Variants in UPRT observed in about 807,000 individuals in gnomAD.
UPRT encodes the protein uracil phosphoribosyltransferase homolog.
Under a neutral mutation model 22.6 loss-of-function variants are expected in UPRT, and 5 were observed. That is an observed-to-expected ratio of 0.22 (90% CI 0.12 to 0.47). The LOEUF (loss-of-function observed/expected upper bound fraction) is 0.47. Ranked by LOEUF, UPRT falls within the 20% of genes least tolerant of loss-of-function variation. UPRT has a pLI of 0.99. For synonymous variants in UPRT, 77 were observed against 87.7 expected (o/e 0.88, Z 0.68); for missense variants, 181 against 239.9 (o/e 0.75, Z 1.62).
chrX:75,234,570 A>G (rs1386708085), intron 4 of UPRT, among the ~76,000 whole-genome samples: 15 of 111,897 alleles, frequency 1.3e-4, no homozygotes, highest in African/African-American at 4.5e-4. Flanking sequence ...AAAGAACAGA[A>G]ATTATAACAA....
intron 1 of UPRT, among the ~76,000 whole-genome samples, chrX:75,286,441 T>G (rs2082681164): frequency 1.8e-5 from 2 of 111,291 alleles, no homozygotes; most frequent in African/African-American, 6.5e-5. Flanking sequence ...AGTGATATAT[T>G]TAAATTTTTG....
At chrX:75,183,978 G>C (rs2082280214) in intron 4 of UPRT, among the ~76,000 whole-genome samples, 1 of 112,093 alleles carries the variant, frequency 8.9e-6, no homozygotes, top group Admixed American at 9.4e-5. Context: ...TAGGTTGCCT[G>C]TTCACTCTGA....
At chrX:75,219,622 TG>T in intron 4 of UPRT, among the ~76,000 whole-genome samples, 1 of 111,419 alleles carries the variant, frequency 9.0e-6, no homozygotes, top group East Asian at 2.8e-4. Flanking sequence ...AACATTTTAA[TG>T]AACAGGAAAG....
chrX:75,272,347 CATATATATATGTGTATAT>C (rs1480616361), upstream of UPRT, among the ~76,000 whole-genome samples: 1 of 81,382 alleles, frequency 1.2e-5, no homozygotes, highest in African/African-American at 5.6e-5. Flanking sequence ...TATATATACA[CATATATATATGTGTATAT>C]ATATATATGT....
At chrX:75,230,131 C>T (rs2082433831) in intron 4 of UPRT, among the ~76,000 whole-genome samples, 1 of 111,544 alleles carries the variant, frequency 9.0e-6, no homozygotes, top group South Asian at 3.8e-4. Context: ...AGGTCTGTCA[C>T]TGCCGGCTTT....
chrX:75,220,155 T>C (rs1326709524), intron 4 of UPRT, among the ~76,000 whole-genome samples: 1 of 111,838 alleles, frequency 8.9e-6, no homozygotes, highest in Non-Finnish European at 1.9e-5. Flanking sequence ...TTTATCATTA[T>C]ACAGTGACCT....
intron 4 of UPRT, among the ~76,000 whole-genome samples, chrX:75,218,744 T>A (rs2082401118): frequency 9.8e-6 from 1 of 101,991 alleles, no homozygotes; most frequent in Admixed American, 1.1e-4. Context: ...TGTAGGGACA[T>A]GGATGAAATT....
intron 4 of UPRT, among the ~76,000 whole-genome samples, chrX:75,248,918 G>A (rs762271170): frequency 1.8e-5 from 2 of 111,979 alleles, no homozygotes; most frequent in South Asian, 3.7e-4. Context: ...CATTCTTAAA[G>A]AAAAGAATTT....
intron 4 of UPRT, among the ~76,000 whole-genome samples, chrX:75,239,792 A>C (rs2082482498): frequency 8.9e-6 from 1 of 111,797 alleles, no homozygotes; most frequent in African/African-American, 3.2e-5. Context: ...GAGTTGGTTT[A>C]ACATATGCAA....
rs192025105 is a variant in UPRT, at chrX:75,222,889, C to A, written c.-447+55010C>A. ...AAAATCCCCTTTACTCTTTCCTCTG[C>A]TATTCTCAAGCAGAAGTCTCTCCCA... On this transcript the variant is annotated intron_variant, in intron 4 of 13. Transcript: ENST00000652605. Among the ~76,000 whole-genome samples, 5 of 110,153 alleles carry A rather than the reference C, an allele frequency of 4.5e-5. No individual in the cohort carries two copies. In the East Asian group the frequency reaches 1.4e-3, roughly 32 times the overall value.
chrX:75,186,594 A>G (rs368070385), intron 4 of UPRT, among the ~76,000 whole-genome samples: 29 of 111,364 alleles, frequency 2.6e-4, no homozygotes, highest in East Asian at 5.6e-4. Context: ...TTTCTGTCTC[A>G]TTGATCTGTC....
At chrX:75,292,200 T>G (rs188096596) in intron 1 of UPRT, among the ~76,000 whole-genome samples, 1 of 111,885 alleles carries the variant, frequency 8.9e-6, no homozygotes, top group Non-Finnish European at 1.9e-5. Flanking sequence ...TAGGTTTCAG[T>G]ATTTTTTGCA....
Position 75,248,202 on chromosome X carries a change from A to G in UPRT, c.-446-42822A>G, listed in dbSNP as rs971872800. On this transcript the variant is annotated intron_variant, in intron 4 of 13. Coordinates refer to the UPRT transcript ENST00000652605. ...GCAGCTCCTCACCAGCAACAGAACA[A>G]AGCTGAACAGAGAATGACTTTGACG... 3.6e-5 allele frequency among the ~76,000 whole-genome samples: 4 copies of G among 112,145 alleles called. No individual in the cohort carries two copies. The East Asian group carries it at 8.4e-4, about 23-fold the overall frequency.
intron 4 of UPRT, among the ~76,000 whole-genome samples, chrX:75,263,582 T>G (rs1053062507): frequency 9.0e-6 from 1 of 111,312 alleles, no homozygotes; most frequent in African/African-American, 3.3e-5. Context: ...TTATCATTTT[T>G]TTGCATCTAT....
intron 4 of UPRT, among the ~76,000 whole-genome samples, chrX:75,181,321 G>C (rs1346548034): frequency 9.0e-6 from 1 of 111,384 alleles, no homozygotes; most frequent in Non-Finnish European, 1.9e-5. Context: ...GTTTAGGATT[G>C]ACTATTAAGG....
chrX:75,186,677 A>C (rs989325496), intron 4 of UPRT, among the ~76,000 whole-genome samples: 2 of 111,815 alleles, frequency 1.8e-5, no homozygotes, highest in African/African-American at 3.3e-5. Context: ...GTAGGCCACT[A>C]AGGACTTGCT....
chrX:75,205,071 G>C (rs1602452799), intron 4 of UPRT, among the ~76,000 whole-genome samples: 1 of 111,344 alleles, frequency 9.0e-6, no homozygotes, highest in Non-Finnish European at 1.9e-5. Context: ...TCTGAAACAA[G>C]GTATAAGAGA....
At chrX:75,196,228 C>G (rs889849630) in intron 4 of UPRT, among the ~76,000 whole-genome samples, 2 of 111,863 alleles carry the variant, frequency 1.8e-5, no homozygotes, top group Non-Finnish European at 3.8e-5. Context: ...TGCAGTGGTG[C>G]GATCATAGCT....
At chrX:75,178,494 A>G (rs1217466893) in intron 4 of UPRT, among the ~76,000 whole-genome samples, 1 of 111,942 alleles carries the variant, frequency 8.9e-6, no homozygotes, top group Non-Finnish European at 1.9e-5. Flanking sequence ...ACTGACTTCA[A>G]GAATGAAGCC....
Sources: gnomAD v4.1 joint callset for allele counts (sites outside exome capture counted in the v4.1 genomes callset) on GRCh38, gnomAD v4.1.1 for gene constraint, MANE v1.5 for transcripts, NCBI Gene and HGNC (gene_info 2026-07-23, HGNC 2026-07-21) for gene names.